Variants in VPS45 observed in about 807,000 individuals in gnomAD.
VPS45 encodes the protein vacuolar protein sorting-associated protein 45.
Under a neutral mutation model 75.9 loss-of-function variants are expected in VPS45, and 35 were observed. The ratio of observed to expected loss-of-function variants is 0.46; its 90% CI spans 0.35 to 0.61. The LOEUF (loss-of-function observed/expected upper bound fraction) is 0.61. VPS45 is among the 20% of genes least tolerant of loss of function. The pLI is 0.00. For synonymous variants in VPS45, 220 were observed against 238.2 expected (o/e 0.92, Z 0.70); for missense variants, 559 against 685.9 (o/e 0.81, Z 2.07).
chr1:150,069,162 G>T (rs587699928), intron 2 of VPS45, among the ~76,000 whole-genome samples: 3 of 152,246 alleles, frequency 2.0e-5, no homozygotes, highest in Non-Finnish European at 2.9e-5. Context: ...GTGGTGGCTT[G>T]ATGTTACTTC....
intron 13 of VPS45, among the ~76,000 whole-genome samples, chr1:150,104,931 G>A (rs981053147): frequency 6.6e-6 from 1 of 152,130 alleles, no homozygotes; most frequent in Non-Finnish European, 1.5e-5. Flanking sequence ...GAGGGGACAT[G>A]AGCAAGGATG....
At position 150,144,921 on chromosome 1, in the gene VPS45, G is replaced by T; in HGVS notation, c.*125G>T. On this transcript the variant is annotated 3_prime_UTR_variant, in exon 15 of 15. Transcript: ENST00000644510. ...GGTTGTTAGAACTCATCTCCAGGTAGCCCACGGATACGTGGTTGGCACAGA... is the reference window on the plus strand; with the variant it reads ...GGTTGTTAGAACTCATCTCCAGGTATCCCACGGATACGTGGTTGGCACAGA... 1.3e-6 allele frequency: 2 copies of T among 1,550,582 alleles called. No individual in the cohort carries two copies. Among genetic ancestry groups the T allele is most frequent in the Non-Finnish European group, 1.7e-6 (2 of 1,152,216 alleles).
intron 1 of VPS45, 57 bp downstream of exon 1, chr1:150,068,007 C>G (rs587721700): frequency 6.7e-7 from 1 of 1,501,094 alleles, no homozygotes; most frequent in East Asian, 2.3e-5. Context: ...TACAATTGCT[C>G]GTCCCATTCC....
rs1553816307 is a variant in VPS45, at chr1:150,144,970, A to G, written c.*174A>G. 2 of 1,520,792 alleles carry G rather than the reference A, an allele frequency of 1.3e-6. No individual in the cohort carries two copies. The highest frequency in any genetic ancestry group is 3.9e-5 in the Admixed American group (2 of 50,690). The allele number at this position is 1,520,792 out of a possible 1,614,324, so 94.2% of individuals were successfully genotyped here. A position where few individuals can be genotyped will look rare whatever the true frequency, so the allele number is the denominator to read the frequency against. On this transcript the variant is annotated 3_prime_UTR_variant, in exon 15 of 15. Transcript: ENST00000644510. ...GACACAAGACTCCCAGAGTTGTCCT[A>G]ACAATAAGTCTGAGCCCATCTCAAC...
intron 14 of VPS45, among the ~76,000 whole-genome samples, chr1:150,126,507 C>T (rs1004371289): frequency 1.1e-4 from 17 of 152,042 alleles, no homozygotes; most frequent in Non-Finnish European, 1.6e-4. Flanking sequence ...GCCACCACAC[C>T]GGCCTGTTTT....
intron 10 of VPS45, among the ~76,000 whole-genome samples, chr1:150,090,359 C>G (rs1282024312): frequency 6.6e-6 from 1 of 152,194 alleles, no homozygotes. Context: ...CTCTCCCCTT[C>G]CTCTTTTGCA....
chr1:150,124,085 A>G (rs1316702342), intron 14 of VPS45, among the ~76,000 whole-genome samples: 2 of 152,160 alleles, frequency 1.3e-5, no homozygotes, highest in African/African-American at 4.8e-5. Flanking sequence ...TTTTCCCCAT[A>G]AGTAGCAAAG....
chr1:150,124,754 T>C (rs1487504613), intron 14 of VPS45, among the ~76,000 whole-genome samples: 1 of 150,378 alleles, frequency 6.6e-6, no homozygotes. Context: ...AGATGGGGTT[T>C]CACCATGTTG....
intron 13 of VPS45, among the ~76,000 whole-genome samples, chr1:150,097,958 T>C (rs1268491593): frequency 4.6e-5 from 7 of 152,138 alleles, no homozygotes; most frequent in African/African-American, 1.4e-4. Flanking sequence ...GCTTAAGCCA[T>C]CCCACCTCAT....
Position 150,110,519 on chromosome 1 carries a change from TA to T in VPS45, c.1519del (p.Ile507LeufsTer10). 6.2e-7 allele frequency: 1 copy of T among 1,613,670 alleles called. No homozygotes were observed. Among genetic ancestry groups the T allele is most frequent in the East Asian group, 2.2e-5 (1 of 44,860 alleles). On this transcript the variant is annotated frameshift_variant, in exon 14 of 15. Transcript: ENST00000644510. LOFTEE classifies it high-confidence loss of function. The stretch of plus-strand genomic sequence containing the variant: ...AGACCTCAGGATATCATTGTGTTTG[TA>T]ATTGGAGGAGCCACCTATGAAGAGG... ...RDRPQDIIVFVIGGATYEEAL... is the reference protein window; with the variant it reads ...RDRPQDIIVFXIGGATYEEAL...
rs781941067 is a variant in VPS45 at position 150,092,424 on chromosome 1, T to C, written c.1371+15T>C. 18 of 1,606,404 alleles carry C rather than the reference T, an allele frequency of 1.1e-5. No homozygotes were observed. Among genetic ancestry groups the C allele is most frequent in the Middle Eastern group, 1.7e-4 (1 of 6,052 alleles). ...AAGGACTGAAGGTATAGACATCTCCTCTATGCTCTCCTGAGTGAGAACAGT... is the reference window on the plus strand; with the variant it reads ...AAGGACTGAAGGTATAGACATCTCCCCTATGCTCTCCTGAGTGAGAACAGT... On this transcript the variant is annotated intron_variant, in intron 12 of 14. Transcript: ENST00000644510.
intron 14 of VPS45, among the ~76,000 whole-genome samples, chr1:150,124,716 A>ATTTTTTT (rs58720904): frequency 1.4e-5 from 2 of 138,610 alleles, no homozygotes; most frequent in African/African-American, 2.7e-5. Flanking sequence ...CACCTGGCTA[A>ATTTTTTT]TTTTTTTTTT....
chr1:150,075,130 A>G (rs1375236993), intron 3 of VPS45, among the ~76,000 whole-genome samples: 1 of 89,796 alleles, frequency 1.1e-5, no homozygotes, highest in African/African-American at 5.1e-5. Context: ...GTTCAAATTT[A>G]AAATTGTCTT....
At chr1:150,082,391 A>G (rs1655763323) in intron 9 of VPS45, among the ~76,000 whole-genome samples, 1 of 152,152 alleles carries the variant, frequency 6.6e-6, no homozygotes, top group South Asian at 2.1e-4. Flanking sequence ...CTGTAATCCC[A>G]GCTACTCGGG....
At position 150,072,214 on chromosome 1, in the gene VPS45, A is replaced by G; in HGVS notation, c.277A>G (p.Ile93Val). 1.9e-6 allele frequency: 3 copies of G among 1,599,588 alleles called. No individual in the cohort carries two copies. The highest frequency in any genetic ancestry group is 2.6e-6 in the Non-Finnish European group (3 of 1,171,684). ...GGAGCTCCGAAGACCCAAATACACT[A>G]TATATTTCATTTGTAAGTATGTTAG... ...IQELRRPKYT[I>V]YFIYFSNVIS... Residue 93 changes from isoleucine to valine, a missense_variant, in exon 3 of 15, where the codon ATA becomes GTA. Ile to Val is a conservative substitution (Grantham distance 29). Transcript: ENST00000644510.
At chr1:150,113,245 C>T (rs1234475773) in intron 14 of VPS45, among the ~76,000 whole-genome samples, 6 of 152,048 alleles carry the variant, frequency 3.9e-5, no homozygotes, top group African/African-American at 1.2e-4. Context: ...AAGACACTCC[C>T]GTCACCCTCA....
chr1:150,094,517 A>T (rs587616602), intron 13 of VPS45, among the ~76,000 whole-genome samples: 83 of 144,328 alleles, frequency 5.8e-4, no homozygotes, highest in African/African-American at 2.1e-3. Flanking sequence ...CCTTTAAAAA[A>T]TTTTTTTCTG....
chr1:150,108,819 G>A (rs1190459913), intron 13 of VPS45, among the ~76,000 whole-genome samples: 3 of 152,076 alleles, frequency 2.0e-5, no homozygotes, highest in Non-Finnish European at 2.9e-5. Context: ...AGAATCTAAC[G>A]CCTCCACGGA....
intron 3 of VPS45, among the ~76,000 whole-genome samples, chr1:150,073,435 G>A (rs1214444531): frequency 6.6e-6 from 1 of 152,004 alleles, no homozygotes; most frequent in Non-Finnish European, 1.5e-5. Flanking sequence ...ATTTCATTCA[G>A]TTCTGTGTAG....
Sources: allele counts gnomAD v4.1 joint callset (sites outside exome capture counted in the v4.1 genomes callset), GRCh38; gene constraint gnomAD v4.1.1; transcripts MANE v1.5; gene names NCBI Gene and HGNC (gene_info 2026-07-23, HGNC 2026-07-21).